The following UNC13C variants were observed in gnomAD, a reference collection of about 807,000 sequenced individuals.
UNC13C encodes unc-13 homolog C.
Under a neutral mutation model 245.4 loss-of-function variants are expected in UNC13C, and 174 were observed. The observed-to-expected ratio is 0.71, with a 90% CI of 0.63 to 0.80. UNC13C has a LOEUF of 0.80. Ranked by LOEUF, UNC13C falls within the 30% of genes least tolerant of loss-of-function variation. UNC13C has a pLI of 0.00. For synonymous variants in UNC13C, 992 were observed against 895.1 expected, an observed-to-expected ratio of 1.11 and a Z score of -1.93; for missense variants, 2,829 against 2,602.9, an observed-to-expected ratio of 1.09 and a Z score of -1.89.
At chr15:54,478,645 T>G (rs1222525211) in intron 19 of UNC13C, among the ~76,000 whole-genome samples, 1 of 151,658 alleles carries the variant, frequency 6.6e-6, no homozygotes, top group Non-Finnish European at 1.5e-5. Context: ...TAATCCTGAG[T>G]TCTAGTTTGA....
At chr15:54,094,162 C>T (rs535548054) in intron 2 of UNC13C, among the ~76,000 whole-genome samples, 1 of 152,206 alleles carries the variant, frequency 6.6e-6, no homozygotes, top group Non-Finnish European at 1.5e-5. Context: ...TTAAGGACTC[C>T]GAAGGCCTTA....
chr15:54,225,190 C>G (rs2035344862), intron 4 of UNC13C, among the ~76,000 whole-genome samples: 1 of 149,948 alleles, frequency 6.7e-6, no homozygotes, highest in African/African-American at 2.5e-5. Flanking sequence ...TTAACTAGTA[C>G]CATGCTGTTT....
Position 54,086,157 on chromosome 15 carries a change from CA to C in UNC13C, c.2984-56860del, listed in dbSNP as rs532933844. Among the ~76,000 whole-genome samples the C allele has an allele frequency of 1.9e-3, 286 of 152,268 alleles. 1 individual carries two copies. Among genetic ancestry groups the C allele is most frequent in the African/African-American group, 6.7e-3 (279 of 41,570 alleles). ...TTCACCTTATAGTGCTGCAGAACAT[CA>C]GACACATTTGGTCTATCTAGCTGTA... On this transcript the variant is annotated intron_variant, in intron 2 of 32. Coordinates refer to ENST00000260323, the MANE Select transcript of UNC13C (RefSeq NM_001080534.3).
At chr15:53,929,480 T>G in the UNC13C span, among the ~76,000 whole-genome samples, 6 of 152,210 alleles carry the variant, frequency 3.9e-5, no homozygotes, top group African/African-American at 1.4e-4. Context: ...CTACTAAAAT[T>G]TAGAATGATA....
At chr15:54,002,465 G>A (rs1317872481) in intron 1 of UNC13C, among the ~76,000 whole-genome samples, 1 of 151,928 alleles carries the variant, frequency 6.6e-6, no homozygotes, top group African/African-American at 2.4e-5. Context: ...CCAAATAAGA[G>A]ACAGAGTAGA....
intron 2 of UNC13C, among the ~76,000 whole-genome samples, chr15:54,065,229 C>T (rs186431595): frequency 1.1e-3 from 160 of 152,244 alleles, no homozygotes; most frequent in African/African-American, 3.7e-3. Flanking sequence ...TGGTGGCCTG[C>T]CTTTTGAGCC....
chr15:54,040,445 C>G (rs35330932), intron 2 of UNC13C, among the ~76,000 whole-genome samples: 64,053 of 151,910 alleles, frequency 0.42, 14,574 homozygotes, highest in East Asian at 0.53. Flanking sequence ...CCTACTTAAT[C>G]AAAATCTTGT....
chr15:54,312,216 G>C, intron 13 of UNC13C, among the ~76,000 whole-genome samples: 1 of 151,458 alleles, frequency 6.6e-6, no homozygotes, highest in East Asian at 2.0e-4. Flanking sequence ...TTTGTGTTTG[G>C]TGTGCATGTG....
intron 29 of UNC13C, 39 bp downstream of exon 29, chr15:54,555,551 C>A (rs772870250): frequency 1.1e-5 from 16 of 1,475,212 alleles, no homozygotes; most frequent in Non-Finnish European, 1.3e-5. Context: ...TCGAGAGAGG[C>A]CCCCATTTAC....
chr15:54,455,640 G>C (rs2141016859), intron 19 of UNC13C, among the ~76,000 whole-genome samples: 1 of 149,772 alleles, frequency 6.7e-6, no homozygotes, highest in East Asian at 2.0e-4. Flanking sequence ...CATGTTTGTT[G>C]GCCATTTTAT....
In UNC13C at chr15:54,551,146, C is replaced by A. The variant is rs151317072; in HGVS notation, c.5877+1455C>A. Among the ~76,000 whole-genome samples the A allele has an allele frequency of 6.2e-4, 95 of 152,176 alleles. 1 individual carries two copies. In the East Asian group the frequency reaches 0.016, roughly 26 times the overall value. On this transcript the variant is annotated intron_variant, in intron 28 of 32. Transcript: ENST00000260323. The stretch of plus-strand genomic sequence containing the variant: ...TAGGGATTCAAACAATTTTACAGGA[C>A]CCAGATACTCACTGCCTCTCAACTC...
At chr15:54,237,729 T>TTA in intron 7 of UNC13C, 39 bp downstream of exon 7, 3 of 1,476,340 alleles carry the variant, frequency 2.0e-6, no homozygotes, top group Non-Finnish European at 2.8e-6. Context: ...TAACTAGATA[T>TTA]TGCTCATAAT....
At chr15:54,535,561 A>G (rs1895951150) in intron 26 of UNC13C, among the ~76,000 whole-genome samples, 1 of 152,150 alleles carries the variant, frequency 6.6e-6, no homozygotes, top group Non-Finnish European at 1.5e-5. Flanking sequence ...CCTCATCTGC[A>G]CTTGGCACAC....
At chr15:54,582,874 G>A (rs1898269198) in intron 30 of UNC13C, among the ~76,000 whole-genome samples, 1 of 152,064 alleles carries the variant, frequency 6.6e-6, no homozygotes, top group Non-Finnish European at 1.5e-5. Context: ...CCATTTATAA[G>A]TAATATAAAT....
Position 54,332,083 on chromosome 15 carries a change from CTT to C in UNC13C, c.4468_4469del (p.Leu1490GlufsTer3), listed in dbSNP as rs778789449. The C allele has an allele frequency of 1.3e-6, 2 of 1,581,408 alleles. No homozygotes were observed. ...AAACTACTGGACCAGTTACATAACT[CTT>C]TGAGGATTGATCTGTCAAAGTATAG... On this transcript the variant is annotated frameshift_variant, in exon 15 of 33. Transcript: ENST00000260323. LOFTEE classifies it high-confidence loss of function.
the UNC13C span, among the ~76,000 whole-genome samples, chr15:53,890,073 GA>G: frequency 3.3e-5 from 5 of 151,770 alleles, no homozygotes; most frequent in Non-Finnish European, 7.4e-5. Context: ...TTCATAAAAT[GA>G]GTTAGGGAGG....
intron 4 of UNC13C, among the ~76,000 whole-genome samples, chr15:54,223,290 T>G: frequency 6.6e-6 from 1 of 152,138 alleles, no homozygotes; most frequent in Admixed American, 6.5e-5. Flanking sequence ...GATAGGAGTC[T>G]AGTTTTATTC....
At chr15:54,573,276 A>G (rs75901547) in intron 30 of UNC13C, among the ~76,000 whole-genome samples, 6,863 of 152,028 alleles carry the variant, frequency 0.045, 534 homozygotes, top group African/African-American at 0.16. Context: ...AGAGATTTGG[A>G]TGTCATCTTT....
In UNC13C at chr15:54,386,025, C is replaced by T. The variant is rs79641337; in HGVS notation, c.4714-7023C>T. ...AACAAAGGTATCAATCATTTTGTTC[C>T]CTGAAAGCTTTTCTTCTCATTCAAG... On this transcript the variant is annotated intron_variant, in intron 17 of 32. Transcript: ENST00000260323. Among the ~76,000 whole-genome samples the T allele has an allele frequency of 5.8e-3, 885 of 152,078 alleles. 31 individuals carry two copies. The East Asian group carries it at 0.085, about 15-fold the overall frequency.
Sources: allele counts gnomAD v4.1 joint callset (sites outside exome capture counted in the v4.1 genomes callset), GRCh38; gene constraint gnomAD v4.1.1; transcripts MANE v1.5; gene names NCBI Gene and HGNC (gene_info 2026-07-23, HGNC 2026-07-21).